BMPER: variants seen among roughly 807,000 people sequenced by gnomAD.
The protein encoded by BMPER is BMP-binding endothelial regulator protein.
A neutral mutation model predicts 87.3 loss-of-function variants in BMPER; 45 were observed. That is an observed-to-expected ratio of 0.52 (90% CI 0.41 to 0.66). BMPER has a LOEUF of 0.66. Ranked by LOEUF, BMPER falls within the 30% of genes least tolerant of loss-of-function variation. BMPER has a pLI of 0.00. For missense variants in BMPER, 784 were observed against 867.5 expected (o/e 0.90, Z 1.21); for synonymous variants, 326 against 316.2 (o/e 1.03, Z -0.33).
chr7:34,153,306 G>T lies in BMPER; in HGVS notation c.*33G>T. 6.2e-7 allele frequency: 1 copy of T among 1,612,442 alleles called. No individual in the cohort carries two copies. The highest frequency in any genetic ancestry group is 8.5e-7 in the Non-Finnish European group (1 of 1,179,282). On this transcript the variant is annotated 3_prime_UTR_variant, in exon 15 of 15. Coordinates refer to ENST00000649409, the MANE Select transcript of BMPER (RefSeq NM_001365308.1). ...TTCGATCCTTAAGACTCTGAAATCTGGTGACTTTGACACTGAAGCGGAAGA... is the reference window on the plus strand; with the variant it reads ...TTCGATCCTTAAGACTCTGAAATCTTGTGACTTTGACACTGAAGCGGAAGA...
intron 11 of BMPER, among the ~76,000 whole-genome samples, chr7:34,069,692 C>A (rs1788688769): frequency 6.6e-6 from 1 of 152,116 alleles, no homozygotes; most frequent in Non-Finnish European, 1.5e-5. Context: ...CAGTTACTTT[C>A]TTTTATACAT....
At chr7:33,951,002 C>T (rs2128613174) in intron 3 of BMPER, among the ~76,000 whole-genome samples, 1 of 152,018 alleles carries the variant, frequency 6.6e-6, no homozygotes, top group East Asian at 1.9e-4. Context: ...AGATCTGGGT[C>T]TTGCTCTCCC....
At chr7:34,116,227 T>A (rs780445350) in intron 13 of BMPER, among the ~76,000 whole-genome samples, 3 of 152,236 alleles carry the variant, frequency 2.0e-5, no homozygotes, top group Non-Finnish European at 4.4e-5. Flanking sequence ...GTGATCCCAT[T>A]ACCTAGTAAT....
At chr7:34,059,073 T>G (rs1788361265) in intron 10 of BMPER, among the ~76,000 whole-genome samples, 1 of 148,432 alleles carries the variant, frequency 6.7e-6, no homozygotes, top group Admixed American at 6.7e-5. Context: ...GCCTCAGACA[T>G]AAAACTGAAA....
chr7:34,089,832 A>G (rs893404007), intron 13 of BMPER, among the ~76,000 whole-genome samples: 6 of 152,154 alleles, frequency 3.9e-5, no homozygotes, highest in Non-Finnish European at 7.3e-5. Context: ...CTTTTATTCA[A>G]TTTAACATTT....
chr7:33,931,576 C>A (rs1784482601), intron 2 of BMPER, among the ~76,000 whole-genome samples: 1 of 152,134 alleles, frequency 6.6e-6, no homozygotes, highest in Non-Finnish European at 1.5e-5. Context: ...CTAAAAAGTT[C>A]TCTTGGGCTC....
At chr7:33,990,778 G>T (rs1014070370) in intron 6 of BMPER, among the ~76,000 whole-genome samples, 2 of 120,458 alleles carry the variant, frequency 1.7e-5, no homozygotes, top group African/African-American at 6.4e-5. Context: ...TTATTATTTT[G>T]AAATATGTCC....
intron 7 of BMPER, among the ~76,000 whole-genome samples, chr7:34,046,884 A>G (rs368142608): frequency 1.8e-3 from 274 of 151,984 alleles, no homozygotes; most frequent in African/African-American, 6.4e-3. Flanking sequence ...TCTCTTTCTT[A>G]TTGAACATTT....
rs200913326 is a variant in BMPER at position 34,035,847 on chromosome 7, A to G, written c.577-10459A>G. Among the ~76,000 whole-genome samples the G allele has an allele frequency of 2.3e-4, 35 of 152,330 alleles. No homozygotes were observed. The East Asian group carries it at 6.8e-3, about 29-fold the overall frequency. ...AAGCATTGTGGGAACAAAATAAAAC[A>G]ATATAAACTATTTTAGGTAGCCAGA... On this transcript the variant is annotated intron_variant, in intron 6 of 14. Coordinates refer to ENST00000649409, the MANE Select transcript of BMPER (RefSeq NM_001365308.1).
At chr7:33,933,064 C>A (rs900503843) in intron 2 of BMPER, among the ~76,000 whole-genome samples, 1 of 152,188 alleles carries the variant, frequency 6.6e-6, no homozygotes, top group African/African-American at 2.4e-5. Context: ...CGTGGCAGAT[C>A]TCAGACACAG....
At chr7:34,114,478 A>T (rs1024703443) in intron 13 of BMPER, among the ~76,000 whole-genome samples, 2 of 152,246 alleles carry the variant, frequency 1.3e-5, no homozygotes, top group African/African-American at 4.8e-5. Flanking sequence ...TATTTACTAA[A>T]TGCCTTCTAG....
chr7:34,098,879 T>C (rs1789604325), intron 13 of BMPER, among the ~76,000 whole-genome samples: 1 of 152,178 alleles, frequency 6.6e-6, no homozygotes, highest in Non-Finnish European at 1.5e-5. Flanking sequence ...GAGTTTGGTA[T>C]TTACTTCAAG....
rs200697873 is a variant in BMPER at position 34,063,375 on chromosome 7, CTA to C, written c.1078+1332_1078+1333del. On this transcript the variant is annotated intron_variant, in intron 11 of 14. Transcript: ENST00000649409. Reference sequence around the variant, plus strand: ...TTTGGACAATAGATATGCAGGGTCACTATATGTGTGTGTGTGTGTGTGTGTGT... The same window carrying C: ...TTTGGACAATAGATATGCAGGGTCACTATGTGTGTGTGTGTGTGTGTGTGT... 4.8e-3 allele frequency among the ~76,000 whole-genome samples: 617 copies of C among 127,968 alleles called. 5 individuals are homozygous for C. Among genetic ancestry groups the C allele is most frequent in the Middle Eastern group, 0.027 (7 of 258 alleles). 84.0% of individuals were successfully genotyped at this position (127,968 alleles called of 152,430 possible). A position where few individuals can be genotyped will look rare whatever the true frequency, so the allele number is the denominator to read the frequency against.
chr7:33,965,828 GA>G (rs1291990159), intron 3 of BMPER, among the ~76,000 whole-genome samples: 1 of 151,384 alleles, frequency 6.6e-6, no homozygotes. Flanking sequence ...TCTGGCCTTT[GA>G]CTTCTGTTTT....
Position 33,963,097 on chromosome 7 carries a change from A to G in BMPER, c.320-3382A>G, listed in dbSNP as rs189799162. ...GTTAGTTTCATATCTAATTTCTTCTAATTTGGAGTAAGCCCTTTAGCCTTT... is the reference window on the plus strand; with the variant it reads ...GTTAGTTTCATATCTAATTTCTTCTGATTTGGAGTAAGCCCTTTAGCCTTT... On this transcript the variant is annotated intron_variant, in intron 3 of 14. Transcript: ENST00000649409. Among the ~76,000 whole-genome samples, 102 of 152,348 alleles carry G rather than the reference A, an allele frequency of 6.7e-4. 1 individual carries two copies. The Middle Eastern group carries it at 0.01, about 15-fold the overall frequency.
intron 8 of BMPER, 48 bp downstream of exon 8, chr7:34,052,018 T>C (rs1585779037): frequency 1.3e-6 from 2 of 1,521,452 alleles, no homozygotes; most frequent in South Asian, 2.2e-5. Flanking sequence ...AGGGTTTGGG[T>C]TTCAGTGTTA....
chr7:34,083,800 C>T (rs868191975), intron 12 of BMPER, among the ~76,000 whole-genome samples: 12 of 151,906 alleles, frequency 7.9e-5, no homozygotes, highest in African/African-American at 2.7e-4. Context: ...TCTCTCTCTC[C>T]TTCCCTCCCA....
At chr7:34,129,606 G>A (rs866154330) in intron 13 of BMPER, among the ~76,000 whole-genome samples, 2,398 of 85,272 alleles carry the variant, frequency 0.028, 44 homozygotes, top group South Asian at 0.051. Flanking sequence ...GAGAGAGAGA[G>A]AGAAAGAGAG....
At chr7:34,008,286 G>T (rs1164769886) in intron 6 of BMPER, among the ~76,000 whole-genome samples, 1 of 151,832 alleles carries the variant, frequency 6.6e-6, no homozygotes, top group African/African-American at 2.4e-5. Flanking sequence ...AAGGAAATTG[G>T]CCTTTTGTGA....
Sources: allele counts gnomAD v4.1 joint callset (sites outside exome capture counted in the v4.1 genomes callset), GRCh38; gene constraint gnomAD v4.1.1; transcripts MANE v1.5; gene names NCBI Gene and HGNC (gene_info 2026-07-23, HGNC 2026-07-21).